Variants in JPT2 observed in about 807,000 individuals in gnomAD.
JPT2 encodes Jupiter microtubule associated homolog 2, also known as CRAMP_1 like.
A neutral mutation model predicts 15.9 loss-of-function variants in JPT2; 9 were observed. That is an observed-to-expected ratio of 0.57 (90% confidence interval 0.34 to 0.99). JPT2 has a LOEUF of 0.99. Among genes scored for constraint, JPT2 ranks in the 50% least tolerant of loss-of-function variants. JPT2 has a pLI of 0.02. For missense variants in JPT2, 267 were observed against 252.1 expected (o/e 1.06, Z -0.40); for synonymous variants, 95 against 91.7 (o/e 1.04, Z -0.21).
At position 1,698,751 on chromosome 16, in the gene JPT2, T is replaced by A; in HGVS notation, c.386-60T>A. The A allele has an allele frequency of 6.6e-7, 1 of 1,515,190 alleles. No homozygotes were observed. The highest frequency in any genetic ancestry group is 2.3e-5 in the East Asian group (1 of 43,746). 93.9% of individuals were successfully genotyped at this position (1,515,190 alleles called of 1,614,324 possible). ...TGACACACTTTTTATTTCCACAGCC[T>A]GCCTGTCAGGGTCATGGGTTGCCTC... On this transcript the variant is annotated intron_variant, in intron 4 of 4. Transcript: ENST00000248098. The surrounding 1 kb of genome is among the most constrained non-coding windows in gnomAD (Gnocchi z 4.9).
At chr16:1,696,026 C>T (rs779681972) in intron 3 of JPT2, among the ~76,000 whole-genome samples, 3 of 151,860 alleles carry the variant, frequency 2.0e-5, no homozygotes, top group Non-Finnish European at 4.4e-5. Context: ...GTCAAGAGTT[C>T]GAGACCAGCC....
chr16:1,699,064 T>A lies in JPT2; in HGVS notation c.*66T>A. On this transcript the variant is annotated 3_prime_UTR_variant, in exon 5 of 5. Coordinates refer to ENST00000248098, the MANE Select transcript of JPT2 (RefSeq NM_144570.3). ...AGAGATAGGGTAGCCATGTTTTCAT[T>A]TCCTTTTGCCCAAATGAGCGGGGTG... 6.5e-7 allele frequency: 1 copy of A among 1,541,114 alleles called. No homozygotes were observed. Among genetic ancestry groups the A allele is most frequent in the Admixed American group, 1.7e-5 (1 of 59,906 alleles).
At position 1,699,037 on chromosome 16, in the gene JPT2, C is replaced by CA; in HGVS notation, c.*41dup. 6.3e-7 allele frequency: 1 copy of CA among 1,591,810 alleles called. No individual in the cohort carries two copies. The highest frequency in any genetic ancestry group is 8.6e-7 in the Non-Finnish European group (1 of 1,162,246). On this transcript the variant is annotated 3_prime_UTR_variant, in exon 5 of 5. Transcript: ENST00000248098. ...TCCACCCGGAGCCAGACCAGAAACT[C>CA]AAGAGATAGGGTAGCCATGTTTTCA...
In JPT2 at chr16:1,680,592, G is replaced by T. The variant is rs2142218517; in HGVS notation, c.44+2236G>T. 16 of 922,150 alleles carry T rather than the reference G, an allele frequency of 1.7e-5. No homozygotes were observed. The South Asian group carries it at 3.9e-4, about 22-fold the overall frequency. The allele number at this position is 922,150 out of a possible 1,614,324, so 57.1% of individuals were successfully genotyped here. A position where few individuals can be genotyped will look rare whatever the true frequency, so the allele number is the denominator to read the frequency against. ...GAGTCGCAGGGCGGGCGCCTTGTAA[G>T]CGTCACATTTAGTTTTGCTGTGAAG... is the stretch of plus-strand genomic sequence containing the variant. On this transcript the variant is annotated intron_variant, in intron 1 of 4. Transcript: ENST00000248098.
chr16:1,685,333 G>GA (rs1457907757), intron 1 of JPT2, 106 bp from the exon 2 acceptor site: 17 of 1,307,488 alleles, frequency 1.3e-5, no homozygotes, highest in Admixed American at 2.3e-5. Flanking sequence ...GTCTCAAAAA[G>GA]AAAAAAACAA....
intron 1 of JPT2, chr16:1,680,557 G>A: frequency 8.9e-7 from 1 of 1,122,496 alleles, no homozygotes; most frequent in Non-Finnish European, 1.1e-6. Flanking sequence ...CCACTCATCT[G>A]AACGGGGTCG....
chr16:1,685,840 G>C (rs2037060891), intron 2 of JPT2: 2 of 309,752 alleles, frequency 6.5e-6, no homozygotes, highest in African/African-American at 4.4e-5. Context: ...GTGGACGGGG[G>C]CTTCTGGTTC....
chr16:1,682,861 G>A (rs1183906655), intron 1 of JPT2, among the ~76,000 whole-genome samples: 11 of 152,036 alleles, frequency 7.2e-5, no homozygotes. Context: ...CCAGGCTGGT[G>A]TACAGTGATG....
chr16:1,684,440 C>A (rs992204525), intron 1 of JPT2, among the ~76,000 whole-genome samples: 7 of 152,066 alleles, frequency 4.6e-5, no homozygotes, highest in Non-Finnish European at 7.3e-5. Flanking sequence ...TAAGTTTTTA[C>A]AATAAAAAGT....
chr16:1,693,576 T>C (rs2037119968), intron 3 of JPT2, among the ~76,000 whole-genome samples: 1 of 152,114 alleles, frequency 6.6e-6, no homozygotes, highest in South Asian at 2.1e-4. Context: ...ACTCACACTT[T>C]CCAGTGAACG....
chr16:1,692,870 A>G (rs1362524586), intron 3 of JPT2, among the ~76,000 whole-genome samples: 5 of 152,190 alleles, frequency 3.3e-5, no homozygotes, highest in African/African-American at 1.2e-4. Flanking sequence ...AAACTGCTGC[A>G]TGTTTATTGG....
At position 1,685,231 on chromosome 16, in the gene JPT2, G is replaced by GGCTGAA. The variant is rs370644577; in HGVS notation, c.45-207_45-206insCTGAAG. On this transcript the variant is annotated intron_variant, in intron 1 of 4. Coordinates refer to ENST00000248098, the MANE Select transcript of JPT2 (RefSeq NM_144570.3). The stretch of plus-strand genomic sequence containing the variant: ...TAATCCCAGCTACTCAGGAGGCTGA[G>GGCTGAA]GTGGGAGGATCACTTGAGCCCAGGA... 484 of 467,724 alleles carry GGCTGAA rather than the reference G, an allele frequency of 1.0e-3. 4 individuals carry two copies. Among genetic ancestry groups the GGCTGAA allele is most frequent in the African/African-American group, 8.9e-3 (442 of 49,842 alleles). 29.0% of individuals were successfully genotyped at this position (467,724 alleles called of 1,614,324 possible). A position where few individuals can be genotyped will look rare whatever the true frequency, so the allele number is the denominator to read the frequency against.
rs574324119 is a variant in JPT2, at chr16:1,680,821, G to A, written c.44+2465G>A. ...ATTTAATCCAAGTTTATTTCTCACTGCTTCTCTCTAAGCCTGACCAGTCCC... is the reference window on the plus strand; with the variant it reads ...ATTTAATCCAAGTTTATTTCTCACTACTTCTCTCTAAGCCTGACCAGTCCC... On this transcript the variant is annotated intron_variant, in intron 1 of 4. Transcript: ENST00000248098. Among the ~76,000 whole-genome samples, 3 of 152,274 alleles carry A rather than the reference G, an allele frequency of 2.0e-5. No homozygotes were observed. In the South Asian group the frequency reaches 6.2e-4, roughly 32 times the overall value.
intron 3 of JPT2, among the ~76,000 whole-genome samples, chr16:1,694,003 G>A (rs758237957): frequency 6.6e-6 from 1 of 152,148 alleles, no homozygotes; most frequent in Non-Finnish European, 1.5e-5. Context: ...TGGAGGACCG[G>A]CTCGTCACTG....
chr16:1,692,268 G>A (rs2037109081), intron 3 of JPT2: 2 of 437,814 alleles, frequency 4.6e-6, no homozygotes. Flanking sequence ...AGTGCTGCGG[G>A]GCGCGGAGAA....
intron 1 of JPT2, among the ~76,000 whole-genome samples, chr16:1,683,001 G>A (rs1414111016): frequency 1.3e-5 from 2 of 152,038 alleles, no homozygotes; most frequent in South Asian, 2.1e-4. Flanking sequence ...TTTTTGAGAC[G>A]GAATCTCGCT....
intron 2 of JPT2, among the ~76,000 whole-genome samples, chr16:1,690,892 C>T (rs1425262706): frequency 6.6e-6 from 1 of 152,250 alleles, no homozygotes; most frequent in Non-Finnish European, 1.5e-5. Context: ...GCTACAGTAA[C>T]TCACTGAGCT....
At chr16:1,680,224 C>A in intron 1 of JPT2, 1 of 612,968 alleles carries the variant, frequency 1.6e-6, no homozygotes, top group Non-Finnish European at 2.1e-6. Context: ...GCATCCCCAG[C>A]CCTGTCCCAG....
chr16:1,685,887 C>G (rs1037286868), intron 2 of JPT2: 2 of 258,902 alleles, frequency 7.7e-6, no homozygotes, highest in African/African-American at 2.3e-5. Flanking sequence ...CCACGGACCC[C>G]CATGAGATTC....
Sources: gnomAD v4.1 joint callset for allele counts (sites outside exome capture counted in the v4.1 genomes callset) on GRCh38, gnomAD v4.1.1 for gene constraint, Gnocchi (gnomAD v3.1) non-coding constraint, MANE v1.5 for transcripts, NCBI Gene and HGNC (gene_info 2026-07-23, HGNC 2026-07-21) for gene names.